Variants in AP3B1 observed in about 807,000 individuals in gnomAD.
AP3B1 encodes the protein adaptor related protein complex 3 subunit beta 1, also known as AP-3 complex subunit beta-1.
Under a neutral mutation model 132.5 loss-of-function variants are expected in AP3B1, and 61 were observed. The ratio of observed to expected loss-of-function variants is 0.46; its 90% CI spans 0.37 to 0.57. AP3B1 has a LOEUF of 0.57. AP3B1 is among the 20% of genes least tolerant of loss of function. The pLI, the probability that AP3B1 is intolerant of heterozygous loss-of-function variation, is 0.00. For synonymous variants in AP3B1, 388 were observed against 438.3 expected, an observed-to-expected ratio of 0.89 and a Z score of 1.43; for missense variants, 1,120 against 1,289.4, an observed-to-expected ratio of 0.87 and a Z score of 2.01.
chr5:78,262,986 A>C (rs954631066), intron 2 of AP3B1, among the ~76,000 whole-genome samples: 4 of 150,988 alleles, frequency 2.6e-5, no homozygotes, highest in Non-Finnish European at 5.9e-5. Flanking sequence ...GCTCTTTTTC[A>C]AGGTTGTTTT....
chr5:78,086,684 C>T (rs190947037), intron 22 of AP3B1, among the ~76,000 whole-genome samples: 57 of 152,246 alleles, frequency 3.7e-4, no homozygotes, highest in African/African-American at 1.3e-3. Context: ...TAGGGCAGAT[C>T]CTGACGATAC....
chr5:78,019,833 G>A (rs150841456), intron 25 of AP3B1, among the ~76,000 whole-genome samples: 200 of 152,024 alleles, frequency 1.3e-3, no homozygotes, highest in African/African-American at 4.3e-3. Flanking sequence ...TGCCTAGTAC[G>A]TTCTGGAAGT....
chr5:78,146,674 GTT>G (rs1420999592), intron 14 of AP3B1, among the ~76,000 whole-genome samples: 1 of 151,646 alleles, frequency 6.6e-6, no homozygotes, highest in African/African-American at 2.4e-5. Flanking sequence ...GTTTTGATTC[GTT>G]TTTCTTTTAT....
intron 14 of AP3B1, among the ~76,000 whole-genome samples, chr5:78,154,375 C>T (rs547724023): frequency 6.6e-6 from 1 of 152,244 alleles, no homozygotes; most frequent in South Asian, 2.1e-4. Flanking sequence ...TTTTAGGATC[C>T]TTTCCCATCC....
intron 22 of AP3B1, among the ~76,000 whole-genome samples, chr5:78,065,430 G>C (rs1052694742): frequency 2.0e-5 from 3 of 152,148 alleles, no homozygotes; most frequent in African/African-American, 7.2e-5. Context: ...CCCGGGCAAG[G>C]GGCAGCAGCC....
In AP3B1 at chr5:78,002,404, T is replaced by C. The variant is rs2112027069; in HGVS notation, c.*498A>G. 2.5e-6 allele frequency: 1 copy of C among 397,652 alleles called. No individual in the cohort carries two copies. The highest frequency in any genetic ancestry group is 3.6e-5 in the East Asian group (1 of 27,892). 24.6% of individuals were successfully genotyped at this position (397,652 alleles called of 1,614,324 possible). On this transcript the variant is annotated 3_prime_UTR_variant, in exon 27 of 27. Coordinates refer to ENST00000255194, the MANE Select transcript of AP3B1 (RefSeq NM_003664.5). Reference sequence around the variant, plus strand: ...GACAGTTATCAATAATCAATTACAATATCAAGAAATTCAAAGAACAAAATC... The same window carrying C: ...GACAGTTATCAATAATCAATTACAACATCAAGAAATTCAAAGAACAAAATC...
chr5:78,134,163 A>AAAAAAAG (rs1450779781), intron 15 of AP3B1, among the ~76,000 whole-genome samples: 12 of 151,578 alleles, frequency 7.9e-5, no homozygotes, highest in Admixed American at 3.3e-4. Flanking sequence ...AAAAAAAAAA[A>AAAAAAAG]AAAGAAATAC....
intron 7 of AP3B1, among the ~76,000 whole-genome samples, chr5:78,211,724 G>T (rs1007572351): frequency 3.3e-5 from 5 of 152,176 alleles, no homozygotes; most frequent in African/African-American, 1.2e-4. Context: ...CTCAAAGCTG[G>T]TTTTGACCGG....
chr5:78,285,667 T>TAA (rs70997987), intron 1 of AP3B1, among the ~76,000 whole-genome samples: 12 of 151,644 alleles, frequency 7.9e-5, no homozygotes, highest in African/African-American at 2.7e-4. Flanking sequence ...TTTCCCCCTT[T>TAA]AAAAAAAAAT....
At chr5:78,094,960 T>C (rs1750710789) in intron 21 of AP3B1, among the ~76,000 whole-genome samples, 1 of 152,118 alleles carries the variant, frequency 6.6e-6, no homozygotes, top group Admixed American at 6.5e-5. Flanking sequence ...GTATTACAAG[T>C]GTGAGCCACC....
chr5:78,110,321 T>C lies in AP3B1; in HGVS notation c.2283A>G (p.Lys761=), dbSNP rs1751519900. The change falls in exon 20 of 27, where the codon AAA becomes AAG. Residue 761 remains lysine, a synonymous_variant. Coordinates refer to ENST00000255194, the MANE Select transcript of AP3B1 (RefSeq NM_003664.5). The part of the protein sequence containing the change: ...DSEDGEKENE[K]SKTSDSSNDE... ...CATTTGAAGAATCTGAAGTTTTAGA[T>C]TTTTCATTTTCCTTCTCCCCATCTT... 6.2e-6 allele frequency: 10 copies of C among 1,610,096 alleles called. No homozygotes were observed. The highest frequency in any genetic ancestry group is 8.5e-6 in the Non-Finnish European group (10 of 1,177,420).
chr5:78,209,107 C>T (rs1206241346), intron 7 of AP3B1, among the ~76,000 whole-genome samples: 1 of 151,974 alleles, frequency 6.6e-6, no homozygotes, highest in Non-Finnish European at 1.5e-5. Flanking sequence ...CACACACACA[C>T]ACACACCAAA....
chr5:78,267,672 G>T, intron 1 of AP3B1, 77 bp from the exon 2 acceptor site: 1 of 910,896 alleles, frequency 1.1e-6, no homozygotes, highest in Non-Finnish European at 1.7e-6. Context: ...ATTTTCATAA[G>T]AATTAGAAGT....
intron 23 of AP3B1, among the ~76,000 whole-genome samples, chr5:78,038,433 C>T (rs1020040055): frequency 3.9e-5 from 6 of 152,070 alleles, no homozygotes; most frequent in Admixed American, 3.9e-4. Flanking sequence ...ATACACTAAC[C>T]CTAATGATAG....
intron 11 of AP3B1, among the ~76,000 whole-genome samples, chr5:78,171,517 C>T (rs1176660273): frequency 6.6e-6 from 1 of 152,100 alleles, no homozygotes; most frequent in East Asian, 1.9e-4. Flanking sequence ...GGAGTTCACT[C>T]ATTAATTTGG....
At chr5:78,092,991 T>C (rs540584527) in intron 21 of AP3B1, among the ~76,000 whole-genome samples, 1 of 152,306 alleles carries the variant, frequency 6.6e-6, no homozygotes, top group East Asian at 1.9e-4. Flanking sequence ...AAAGTCTTTG[T>C]TCCAGCAATA....
At chr5:78,077,226 A>G (rs1408583275) in intron 22 of AP3B1, among the ~76,000 whole-genome samples, 3 of 152,106 alleles carry the variant, frequency 2.0e-5, no homozygotes, top group Non-Finnish European at 4.4e-5. Flanking sequence ...GCCTTCCTGT[A>G]CTGTCCAAAA....
intron 7 of AP3B1, among the ~76,000 whole-genome samples, chr5:78,201,105 C>A (rs1211867149): frequency 6.6e-6 from 1 of 152,166 alleles, no homozygotes; most frequent in Non-Finnish European, 1.5e-5. Context: ...AACCTGCCAA[C>A]ACCTTGAGAT....
chr5:78,022,702 T>A (rs976311162), intron 24 of AP3B1, among the ~76,000 whole-genome samples: 1 of 152,184 alleles, frequency 6.6e-6, no homozygotes, highest in Non-Finnish European at 1.5e-5. Context: ...TGGTCCCATT[T>A]ATGTTTTAGA....
Sources: gnomAD v4.1 joint callset for allele counts (sites outside exome capture counted in the v4.1 genomes callset) on GRCh38, gnomAD v4.1.1 for gene constraint, MANE v1.5 for transcripts, NCBI Gene and HGNC (gene_info 2026-07-23, HGNC 2026-07-21) for gene names.